ZMYM4: variants seen among roughly 807,000 people sequenced by gnomAD.
ZMYM4 encodes the protein zinc finger MYM-type protein 4.
ZMYM4 carries 31 observed loss-of-function variants against 183.2 expected under a neutral mutation model. The ratio of observed to expected loss-of-function variants is 0.17; its 90% CI spans 0.13 to 0.23. The LOEUF (loss-of-function observed/expected upper bound fraction) is 0.23, where lower values mean the gene tolerates loss of function less well. ZMYM4 is among the 10% of genes least tolerant of loss of function. The probability of loss-of-function intolerance (pLI) is 1.00; values close to 1 mark genes in which losing one functional copy is unlikely to be tolerated. For synonymous variants in ZMYM4, 592 were observed against 631.2 expected (o/e 0.94, Z 0.93); for missense variants, 1,273 against 1,840.3 (o/e 0.69, Z 5.64).
At chr1:35,398,783 TAGGG>T in intron 21 of ZMYM4, 77 bp from the exon 22 acceptor site, 3 of 1,459,150 alleles carry the variant, frequency 2.1e-6, no homozygotes, top group Admixed American at 3.7e-5. Context: ...TTTTGGTATT[TAGGG>T]GTTCAGGAAG....
rs567921509 is a variant in ZMYM4 at position 35,378,079 on chromosome 1, C to T, written c.1182-3180C>T. On this transcript the variant is annotated intron_variant, in intron 7 of 29. Coordinates refer to ENST00000314607, the MANE Select transcript of ZMYM4 (RefSeq NM_005095.3). ...ACAAGAAATTACTTTCCTTGCTCAT[C>T]CATTGGAAGCAACTCCTTATCTGTT... Among the ~76,000 whole-genome samples the T allele has an allele frequency of 2.6e-5, 4 of 152,294 alleles. No individual in the cohort carries two copies. The South Asian group carries it at 8.3e-4, about 32-fold the overall frequency.
At chr1:35,340,187 T>A (rs1301046765) in intron 2 of ZMYM4, among the ~76,000 whole-genome samples, 1 of 131,346 alleles carries the variant, frequency 7.6e-6, no homozygotes, top group Non-Finnish European at 1.7e-5. Flanking sequence ...GAGAGAGAAG[T>A]GGCATTGTGT....
chr1:35,280,288 C>A (rs1640093598), intron 1 of ZMYM4, among the ~76,000 whole-genome samples: 1 of 149,162 alleles, frequency 6.7e-6, no homozygotes, highest in African/African-American at 2.5e-5. Flanking sequence ...CTCCCTCTCT[C>A]TCTCTTCTTT....
At chr1:35,332,117 T>A (rs1409466509) in intron 2 of ZMYM4, among the ~76,000 whole-genome samples, 2 of 152,050 alleles carry the variant, frequency 1.3e-5, no homozygotes, top group Non-Finnish European at 2.9e-5. Context: ...AAAATCTCCT[T>A]ATGTTAAATA....
intron 1 of ZMYM4, among the ~76,000 whole-genome samples, chr1:35,305,776 A>G (rs1641508901): frequency 6.6e-6 from 1 of 151,520 alleles, no homozygotes; most frequent in South Asian, 2.1e-4. Context: ...CTCCAACTCC[A>G]GGCCTCAAGT....
chr1:35,307,756 G>A (rs558453478), intron 1 of ZMYM4, among the ~76,000 whole-genome samples: 12 of 151,640 alleles, frequency 7.9e-5, no homozygotes, highest in African/African-American at 2.2e-4. Flanking sequence ...GGATGGTCTC[G>A]ATCTCCTGAC....
At position 35,370,356 on chromosome 1, in the gene ZMYM4, T is replaced by G. The variant is rs1426053709; in HGVS notation, c.926-16T>G. 11 of 1,347,352 alleles carry G rather than the reference T, an allele frequency of 8.2e-6. No homozygotes were observed. In the Admixed American group the frequency reaches 1.4e-4, roughly 17 times the overall value. The allele number at this position is 1,347,352 out of a possible 1,614,324, so 83.5% of individuals were successfully genotyped here. On this transcript the variant is annotated splice_polypyrimidine_tract_variant and intron_variant, in intron 6 of 29. Coordinates refer to ENST00000314607, the MANE Select transcript of ZMYM4 (RefSeq NM_005095.3). The stretch of plus-strand genomic sequence containing the variant: ...TCTTTCAATTTTTTTTTTTTTTTTT[T>G]TTTTTTTTTTTAAAGCTCCACAGTT...
At chr1:35,379,727 TG>T (rs1644411787) in intron 7 of ZMYM4, among the ~76,000 whole-genome samples, 1 of 152,270 alleles carries the variant, frequency 6.6e-6, no homozygotes, top group Non-Finnish European at 1.5e-5. Flanking sequence ...CTCTTACTTT[TG>T]TTGAGCACTT....
rs1355967779 is a variant in ZMYM4 at position 35,361,600 on chromosome 1, C to G, written c.670-19C>G. 3 of 1,600,958 alleles carry G rather than the reference C, an allele frequency of 1.9e-6. No individual in the cohort carries two copies. The highest frequency in any genetic ancestry group is 2.6e-6 in the Non-Finnish European group (3 of 1,176,414). Reference sequence around the variant, plus strand: ...TTTTAAAATCTGAATATTTATTAATCCTTTATATTGTGTTTTAGGATTCCA... The same window carrying G: ...TTTTAAAATCTGAATATTTATTAATGCTTTATATTGTGTTTTAGGATTCCA... On this transcript the variant is annotated intron_variant, in intron 4 of 29. Transcript: ENST00000314607.
intron 22 of ZMYM4, 71 bp downstream of exon 22, chr1:35,399,114 T>TG: frequency 6.9e-7 from 1 of 1,440,780 alleles, no homozygotes; most frequent in Non-Finnish European, 9.5e-7. Flanking sequence ...GAATTGACAC[T>TG]ATTAAGCAGT....
intron 2 of ZMYM4, among the ~76,000 whole-genome samples, chr1:35,352,267 GCGCACACACACACA>G (rs1160319561): frequency 0.022 from 1,688 of 78,270 alleles, 73 homozygotes; most frequent in African/African-American, 0.07. Flanking sequence ...GCACGCGCGC[GCGCACACACACACA>G]CACACACACA....
chr1:35,276,328 C>T (rs1201033257), intron 1 of ZMYM4, among the ~76,000 whole-genome samples: 2 of 121,772 alleles, frequency 1.6e-5, no homozygotes, highest in Non-Finnish European at 3.2e-5. Context: ...TCCTTTTTTT[C>T]CATAGTTGAA....
chr1:35,309,205 A>T (rs1304768052), intron 1 of ZMYM4, among the ~76,000 whole-genome samples: 1 of 152,162 alleles, frequency 6.6e-6, no homozygotes, highest in Non-Finnish European at 1.5e-5. Flanking sequence ...ACATGGTACA[A>T]GTTTGGGGAT....
intron 1 of ZMYM4, among the ~76,000 whole-genome samples, chr1:35,285,174 C>T (rs974933897): frequency 8.6e-5 from 13 of 150,956 alleles, no homozygotes; most frequent in South Asian, 2.1e-4. Flanking sequence ...TGAAATTTCA[C>T]GTGAAATTTA....
At chr1:35,309,391 C>G (rs1641690633) in intron 1 of ZMYM4, among the ~76,000 whole-genome samples, 1 of 152,054 alleles carries the variant, frequency 6.6e-6, no homozygotes, top group African/African-American at 2.4e-5. Context: ...TGGGCATTGC[C>G]TTAGATTTGT....
chr1:35,343,872 A>AC (rs1425260448), intron 2 of ZMYM4, among the ~76,000 whole-genome samples: 2 of 151,752 alleles, frequency 1.3e-5, no homozygotes, highest in Non-Finnish European at 2.9e-5. Context: ...TCAAAAAAAA[A>AC]AAACAGAAAA....
At chr1:35,325,078 GATC>G (rs1295745505) in intron 1 of ZMYM4, among the ~76,000 whole-genome samples, 1 of 151,622 alleles carries the variant, frequency 6.6e-6, no homozygotes, top group Non-Finnish European at 1.5e-5. Context: ...AAATATATAT[GATC>G]ATCTCTTTTG....
At chr1:35,324,197 C>CT (rs1642411244) in intron 1 of ZMYM4, among the ~76,000 whole-genome samples, 1 of 151,802 alleles carries the variant, frequency 6.6e-6, no homozygotes, top group Non-Finnish European at 1.5e-5. Flanking sequence ...TTATTTTCTT[C>CT]TTTGGGGGTA....
At chr1:35,394,178 T>C (rs1644765025) in intron 18 of ZMYM4, among the ~76,000 whole-genome samples, 1 of 140,958 alleles carries the variant, frequency 7.1e-6, no homozygotes, top group Non-Finnish European at 1.5e-5. Context: ...TTTTTTTTTT[T>C]TTTTTTTTTT....
Sources: allele counts gnomAD v4.1 joint callset (sites outside exome capture counted in the v4.1 genomes callset), GRCh38; gene constraint gnomAD v4.1.1; transcripts MANE v1.5; gene names NCBI Gene and HGNC (gene_info 2026-07-23, HGNC 2026-07-21).